PRKAG2: variants seen among roughly 807,000 people sequenced by gnomAD.
The protein encoded by PRKAG2 is 5'-AMP-activated protein kinase subunit gamma-2.
A neutral mutation model predicts 69.6 loss-of-function variants in PRKAG2; 26 were observed. The observed-to-expected ratio is 0.37, with a 90% CI of 0.27 to 0.52. The LOEUF (loss-of-function observed/expected upper bound fraction) is 0.52, where lower values mean the gene tolerates loss of function less well. Ranked by LOEUF, PRKAG2 falls within the 20% of genes least tolerant of loss-of-function variation. The probability of loss-of-function intolerance (pLI) is 0.90; values close to 1 mark genes in which losing one functional copy is unlikely to be tolerated. For synonymous variants in PRKAG2, 293 were observed against 285.0 expected (o/e 1.03, Z -0.28); for missense variants, 557 against 740.0 (o/e 0.75, Z 2.87).
intron 3 of PRKAG2, among the ~76,000 whole-genome samples, chr7:151,715,352 T>C (rs1373818786): frequency 7.8e-6 from 1 of 127,768 alleles, no homozygotes; most frequent in Non-Finnish European, 1.6e-5. Context: ...AAAAAAATTA[T>C]TATTATTTTT....
At chr7:151,717,845 G>A (rs188280246) in intron 3 of PRKAG2, among the ~76,000 whole-genome samples, 28 of 152,340 alleles carry the variant, frequency 1.8e-4, no homozygotes, top group African/African-American at 6.5e-4. Context: ...GACCCACCAG[G>A]AAAGCATCTC....
rs2151758855 is a variant in PRKAG2, at chr7:151,761,802, C to T, written c.466+19350G>A. On this transcript the variant is annotated intron_variant, in intron 3 of 15. Coordinates refer to ENST00000287878, the MANE Select transcript of PRKAG2 (RefSeq NM_016203.4). ...GTGCTGCCAACTGCGTGGAGAATCA[C>T]CTGCCCACCTTTCCACTCAGCCACC... Among the ~76,000 whole-genome samples the T allele has an allele frequency of 1.3e-5, 2 of 152,348 alleles. 1 individual carries two copies. Among genetic ancestry groups the T allele is most frequent in the South Asian group, 4.1e-4 (2 of 4,830 alleles).
intron 4 of PRKAG2, among the ~76,000 whole-genome samples, chr7:151,636,940 G>C (rs1825844396): frequency 6.6e-6 from 1 of 151,920 alleles, no homozygotes; most frequent in South Asian, 2.1e-4. Context: ...CCTGACCTCA[G>C]GTGATCCACC....
At chr7:151,831,761 C>G (rs1040846826) in intron 1 of PRKAG2, among the ~76,000 whole-genome samples, 34 of 152,266 alleles carry the variant, frequency 2.2e-4, no homozygotes, top group African/African-American at 8.2e-4. Context: ...TCTGTGTGCC[C>G]GACAGGTGCT....
chr7:151,796,846 C>G (rs1484310329), intron 1 of PRKAG2, among the ~76,000 whole-genome samples: 1 of 152,198 alleles, frequency 6.6e-6, no homozygotes, highest in Non-Finnish European at 1.5e-5. Context: ...CCTCCAGCCC[C>G]TGTACGGAGG....
At chr7:151,867,142 C>A (rs2080100015) in intron 1 of PRKAG2, among the ~76,000 whole-genome samples, 1 of 152,224 alleles carries the variant, frequency 6.6e-6, no homozygotes, top group Non-Finnish European at 1.5e-5. Flanking sequence ...GGGGCCTTGG[C>A]CACCTCTCCA....
intron 1 of PRKAG2, among the ~76,000 whole-genome samples, chr7:151,845,329 C>T (rs566267288): frequency 9.2e-5 from 14 of 152,224 alleles, no homozygotes; most frequent in East Asian, 5.8e-4. Context: ...AAGAGGGCTC[C>T]GGCTCTCTTC....
In PRKAG2 at chr7:151,781,225, G is replaced by A. The variant is rs1057520352; in HGVS notation, c.393C>T (p.Ser131=). The change falls in exon 3 of 16, where the codon TCC becomes TCT. Residue 131 remains serine, a synonymous_variant. Coordinates refer to ENST00000287878, the MANE Select transcript of PRKAG2 (RefSeq NM_016203.4). This position sits in a 1 kb window ranked among gnomAD's most constrained non-coding sequence, Gnocchi z 6.1. ...MSFSGIFRSS[S]KESSPNSNPA... Reference sequence around the variant, plus strand: ...GGTTGGAGTTGGGGGAAGACTCTTTGGAGGAGGAGCGGAAGATCCCACTGA... The same window carrying A: ...GGTTGGAGTTGGGGGAAGACTCTTTAGAGGAGGAGCGGAAGATCCCACTGA... 3.7e-6 allele frequency: 6 copies of A among 1,613,972 alleles called. No individual in the cohort carries two copies. Among genetic ancestry groups the A allele is most frequent in the Non-Finnish European group, 5.1e-6 (6 of 1,180,048 alleles).
At chr7:151,665,475 G>T (rs1396190124) in intron 4 of PRKAG2, among the ~76,000 whole-genome samples, 2 of 152,118 alleles carry the variant, frequency 1.3e-5, no homozygotes, top group Admixed American at 1.3e-4. Context: ...AACAGTGCAG[G>T]AACATAGGAA....
At chr7:151,866,211 C>T (rs2080074815) in intron 1 of PRKAG2, among the ~76,000 whole-genome samples, 1 of 152,084 alleles carries the variant, frequency 6.6e-6, no homozygotes, top group Non-Finnish European at 1.5e-5. Context: ...GCCCACCGTC[C>T]AGCCTCAGCC....
chr7:151,603,857 C>T (rs1293228148), intron 5 of PRKAG2, among the ~76,000 whole-genome samples: 4 of 152,158 alleles, frequency 2.6e-5, no homozygotes, highest in African/African-American at 9.7e-5. Flanking sequence ...TATGCCCTAC[C>T]TCCTTGTTTA....
At chr7:151,811,211 G>C (rs2078404355) in intron 1 of PRKAG2, among the ~76,000 whole-genome samples, 1 of 152,256 alleles carries the variant, frequency 6.6e-6, no homozygotes, top group Admixed American at 6.5e-5. Flanking sequence ...GGCTCTGCCA[G>C]GACAGGCCAC....
chr7:151,824,245 G>C (rs1031622610), intron 1 of PRKAG2, among the ~76,000 whole-genome samples: 4 of 152,138 alleles, frequency 2.6e-5, no homozygotes, highest in Non-Finnish European at 5.9e-5. Context: ...TGGAAGCTTC[G>C]TAATTGGTTC....
intron 1 of PRKAG2, among the ~76,000 whole-genome samples, chr7:151,863,072 G>A (rs150061974): frequency 7.6e-4 from 114 of 149,364 alleles, no homozygotes; most frequent in Middle Eastern, 3.6e-3. Flanking sequence ...GTAGATCCCT[G>A]GGTGCAGGGG....
rs913374351 is a variant in PRKAG2, at chr7:151,780,140, C to T, written c.466+1012G>A. 1.3e-5 allele frequency among the ~76,000 whole-genome samples: 2 copies of T among 152,212 alleles called. No homozygotes were observed. Among genetic ancestry groups the T allele is most frequent in the African/African-American group, 4.8e-5 (2 of 41,450 alleles). On this transcript the variant is annotated intron_variant, in intron 3 of 15. Coordinates refer to ENST00000287878, the MANE Select transcript of PRKAG2 (RefSeq NM_016203.4). This position sits in a 1 kb window ranked among gnomAD's most constrained non-coding sequence, Gnocchi z 4.2. Reference sequence around the variant, plus strand: ...CTGCTCCACTCACACAGAATACGGCCACCATCCCCTCCACCTCCAAGGTGG... The same window carrying T: ...CTGCTCCACTCACACAGAATACGGCTACCATCCCCTCCACCTCCAAGGTGG...
intron 1 of PRKAG2, among the ~76,000 whole-genome samples, chr7:151,819,734 C>T (rs1881629): frequency 0.53 from 80,584 of 152,032 alleles, 21,588 homozygotes; most frequent in South Asian, 0.56. Flanking sequence ...ACTTGGGCTA[C>T]TGCCTGGAGC....
chr7:151,778,762 A>T (rs1260931197), intron 3 of PRKAG2, among the ~76,000 whole-genome samples: 2 of 152,218 alleles, frequency 1.3e-5, no homozygotes, highest in African/African-American at 4.8e-5. Context: ...ATTTTTAATT[A>T]CCAATAAGTG....
At chr7:151,558,248 T>C (rs766411103) in intron 15 of PRKAG2, 60 of 985,326 alleles carry the variant, frequency 6.1e-5, no homozygotes, top group Non-Finnish European at 7.0e-5. Context: ...ACGGTGGCCA[T>C]TGCCCGATGA....
At chr7:151,604,317 G>A (rs779490716) in intron 5 of PRKAG2, among the ~76,000 whole-genome samples, 3 of 152,208 alleles carry the variant, frequency 2.0e-5, no homozygotes, top group African/African-American at 4.8e-5. Context: ...ATGGTGCAGC[G>A]GTTATAGTTA....
Sources: allele counts gnomAD v4.1 joint callset (sites outside exome capture counted in the v4.1 genomes callset), GRCh38; gene constraint gnomAD v4.1.1; non-coding constraint Gnocchi (gnomAD v3.1); transcripts MANE v1.5; gene names NCBI Gene and HGNC (gene_info 2026-07-23, HGNC 2026-07-21).